Variants in ADAMTS6 observed in about 807,000 individuals in gnomAD.
ADAMTS6 encodes ADAM metallopeptidase with thrombospondin type 1 motif 6, also known as A disintegrin and metalloproteinase with thrombospondin motifs 6.
Under a neutral mutation model 144.3 loss-of-function variants are expected in ADAMTS6, and 23 were observed. The ratio of observed to expected loss-of-function variants is 0.16; its 90% confidence interval spans 0.11 to 0.23. ADAMTS6 has a LOEUF of 0.23. Among genes scored for constraint, ADAMTS6 ranks in the 10% least tolerant of loss-of-function variants. ADAMTS6 has a pLI of 1.00. For synonymous variants in ADAMTS6, 444 were observed against 457.5 expected (o/e 0.97, Z 0.38); for missense variants, 999 against 1,379.6 (o/e 0.72, Z 4.37).
intron 7 of ADAMTS6, among the ~76,000 whole-genome samples, chr5:65,336,555 G>A (rs1747329566): frequency 6.6e-6 from 1 of 151,942 alleles, no homozygotes; most frequent in African/African-American, 2.4e-5. Context: ...TGGAGTATTA[G>A]GGTTCCTGAT....
At chr5:65,378,013 G>C (rs148424897) in intron 7 of ADAMTS6, among the ~76,000 whole-genome samples, 1 of 149,320 alleles carries the variant, frequency 6.7e-6, no homozygotes, top group East Asian at 1.9e-4. Context: ...CTCTGTCTCT[G>C]TATGTCTTTT....
chr5:65,366,868 GA>G (rs1750352664), intron 7 of ADAMTS6, among the ~76,000 whole-genome samples: 1 of 152,136 alleles, frequency 6.6e-6, no homozygotes, highest in Middle Eastern at 3.2e-3. Flanking sequence ...GACTTTCAGG[GA>G]AAGGCCAAAA....
intron 7 of ADAMTS6, among the ~76,000 whole-genome samples, chr5:65,350,511 G>A (rs372871724): frequency 2.6e-5 from 4 of 152,182 alleles, no homozygotes; most frequent in Non-Finnish European, 5.9e-5. Context: ...GTCTGACCAA[G>A]TGAGAAGGAC....
chr5:65,233,425 T>C (rs571795499), intron 15 of ADAMTS6, among the ~76,000 whole-genome samples: 1 of 152,170 alleles, frequency 6.6e-6, no homozygotes, highest in Admixed American at 6.6e-5. Context: ...CATATTCTTA[T>C]ACATAGAAAA....
At chr5:65,232,158 CT>C (rs1043963357) in intron 15 of ADAMTS6, among the ~76,000 whole-genome samples, 1 of 151,988 alleles carries the variant, frequency 6.6e-6, no homozygotes, top group Non-Finnish European at 1.5e-5. Flanking sequence ...AACAAGAAAC[CT>C]TATGACAAAT....
At chr5:65,319,186 C>T (rs1745294797) in intron 9 of ADAMTS6, among the ~76,000 whole-genome samples, 1 of 151,712 alleles carries the variant, frequency 6.6e-6, no homozygotes, top group African/African-American at 2.4e-5. Flanking sequence ...AATAAAAATA[C>T]AGTATAATAA....
At chr5:65,400,920 C>T (rs1411159563) in intron 7 of ADAMTS6, among the ~76,000 whole-genome samples, 1 of 152,188 alleles carries the variant, frequency 6.6e-6, no homozygotes, top group Non-Finnish European at 1.5e-5. Context: ...GAATTTCCAT[C>T]TTTCTGCTTA....
intron 18 of ADAMTS6, among the ~76,000 whole-genome samples, chr5:65,218,249 G>A (rs1757071902): frequency 6.6e-6 from 1 of 152,158 alleles, no homozygotes; most frequent in Non-Finnish European, 1.5e-5. Flanking sequence ...GAAGAATCAT[G>A]CTTTTGCAGG....
chr5:65,359,198 T>G (rs1180044923), intron 7 of ADAMTS6, among the ~76,000 whole-genome samples: 1 of 151,906 alleles, frequency 6.6e-6, no homozygotes, highest in Non-Finnish European at 1.5e-5. Flanking sequence ...AATCAGCCAA[T>G]TAAAAATGTA....
chr5:65,270,450 C>A (rs543308121), intron 12 of ADAMTS6, among the ~76,000 whole-genome samples: 2 of 152,144 alleles, frequency 1.3e-5, no homozygotes, highest in African/African-American at 4.8e-5. Context: ...GTTTTGCTCA[C>A]GTGTCTAGTT....
intron 21 of ADAMTS6, among the ~76,000 whole-genome samples, chr5:65,189,747 T>C (rs1247409176): frequency 1.3e-5 from 2 of 152,228 alleles, no homozygotes; most frequent in African/African-American, 2.4e-5. Context: ...TCCAAAATCG[T>C]GAAAAGAGCA....
intron 7 of ADAMTS6, among the ~76,000 whole-genome samples, chr5:65,422,082 T>G (rs1756093740): frequency 6.6e-6 from 1 of 151,538 alleles, no homozygotes; most frequent in South Asian, 2.1e-4. Context: ...ATATCCAGAA[T>G]CTACAAGGAA....
chr5:65,275,426 A>C (rs1264516999), intron 11 of ADAMTS6, among the ~76,000 whole-genome samples: 8 of 150,746 alleles, frequency 5.3e-5, no homozygotes, highest in Admixed American at 4.0e-4. Flanking sequence ...AAAAGAAAGA[A>C]AGAAAGAAAA....
chr5:65,248,928 T>C (rs1171243404), intron 14 of ADAMTS6, among the ~76,000 whole-genome samples: 1 of 152,082 alleles, frequency 6.6e-6, no homozygotes, highest in East Asian at 1.9e-4. Flanking sequence ...ACCATAAATA[T>C]ATATACAATA....
At chr5:65,331,234 A>G (rs1746687300) in intron 8 of ADAMTS6, among the ~76,000 whole-genome samples, 1 of 152,062 alleles carries the variant, frequency 6.6e-6, no homozygotes, top group African/African-American at 2.4e-5. Context: ...AAGAATAATT[A>G]TTGTTAAATT....
At chr5:65,420,938 C>T (rs1217814826) in intron 7 of ADAMTS6, among the ~76,000 whole-genome samples, 1 of 152,098 alleles carries the variant, frequency 6.6e-6, no homozygotes, top group South Asian at 2.1e-4. Flanking sequence ...TACTCCTTTA[C>T]CTCGAGTCTG....
rs564381574 is a variant in ADAMTS6 at position 65,215,014 on chromosome 5, A to C, written c.2437-82T>G. The stretch of plus-strand genomic sequence containing the variant: ...TATTTATTATTCCTTTTGAAGAAGA[A>C]AATGTCAAAACAAGTCTTACAGGAA... On this transcript the variant is annotated intron_variant, in intron 19 of 24. Coordinates refer to ENST00000381055, the MANE Select transcript of ADAMTS6 (RefSeq NM_197941.4). 4.2e-5 allele frequency: 62 copies of C among 1,493,388 alleles called. 1 individual carries two copies. The East Asian group carries it at 1.3e-3, about 31-fold the overall frequency. 92.5% of individuals were successfully genotyped at this position (1,493,388 alleles called of 1,614,324 possible). A position where few individuals can be genotyped will look rare whatever the true frequency, so the allele number is the denominator to read the frequency against.
chr5:65,267,687 G>A (rs79539463), intron 12 of ADAMTS6, among the ~76,000 whole-genome samples: 2,350 of 152,166 alleles, frequency 0.015, 57 homozygotes, highest in African/African-American at 0.054. Context: ...AAAACTTCAA[G>A]ATGAGTATAT....
chr5:65,179,115 G>A (rs904229098), intron 22 of ADAMTS6, among the ~76,000 whole-genome samples: 8 of 152,250 alleles, frequency 5.3e-5, no homozygotes, highest in Non-Finnish European at 7.3e-5. Flanking sequence ...AACTCATCAC[G>A]GGACTCATTT....
Sources: gnomAD v4.1 joint callset for allele counts (sites outside exome capture counted in the v4.1 genomes callset) on GRCh38, gnomAD v4.1.1 for gene constraint, MANE v1.5 for transcripts, NCBI Gene and HGNC (gene_info 2026-07-23, HGNC 2026-07-21) for gene names.